The following RAB11FIP3 variants were observed in gnomAD, a reference collection of about 807,000 sequenced individuals.
RAB11FIP3 encodes rab11 family-interacting protein 3.
In RAB11FIP3, 17 loss-of-function variants were observed where a neutral mutation model predicts 77.8. That is an observed-to-expected ratio of 0.22 (90% CI 0.15 to 0.33). The LOEUF is 0.33. Among genes scored for constraint, RAB11FIP3 ranks in the 10% least tolerant of loss-of-function variants. The pLI is 1.00. For missense variants in RAB11FIP3, 1,005 were observed against 1,011.2 expected (o/e 0.99, Z 0.08); for synonymous variants, 437 against 448.2 (o/e 0.98, Z 0.31).
rs1323678228 is a variant in RAB11FIP3 at position 494,563 on chromosome 16, A to G, written c.1266-2261A>G. On this transcript the variant is annotated intron_variant, in intron 5 of 13. Transcript: ENST00000262305. ...CGTGAACCCGGGAGGTGGAACTTGC[A>G]GTGAGCCGAGATCATGCCACTGCAC... is the stretch of plus-strand genomic sequence containing the variant. Among the ~76,000 whole-genome samples, 4 of 152,004 alleles carry G rather than the reference A, an allele frequency of 2.6e-5. No homozygotes were observed. In the East Asian group the frequency reaches 7.8e-4, roughly 30 times the overall value.
rs1596305940 is a variant in RAB11FIP3, at chr16:520,573, G to A, written c.2131G>A (p.Glu711Lys). Reference protein sequence around the residue: ...STAFSESLAAEISSVSRDELM... With the variant: ...STAFSESLAAKISSVSRDELM... ...AGCCTTCTCTGAGTCCCTGGCTGCA[G>A]AGATCAGCTCCGTCTCCCGAGATGA... Residue 711 changes from glutamate to lysine, a missense_variant, in exon 13 of 14, where the codon GAG becomes AAG. Transcript: ENST00000262305. 6.2e-7 allele frequency: 1 copy of A among 1,613,598 alleles called. No homozygotes were observed. The highest frequency in any genetic ancestry group is 8.5e-7 in the Non-Finnish European group (1 of 1,180,012).
intron 6 of RAB11FIP3, among the ~76,000 whole-genome samples, chr16:501,715 T>C (rs1480079543): frequency 7.2e-6 from 1 of 138,902 alleles, no homozygotes; most frequent in Non-Finnish European, 1.5e-5. Flanking sequence ...GGTCCCCCCA[T>C]TTCACAGACA....
At chr16:438,009 A>G (rs911462051) in intron 1 of RAB11FIP3, among the ~76,000 whole-genome samples, 1 of 151,692 alleles carries the variant, frequency 6.6e-6, no homozygotes, top group Admixed American at 6.6e-5. Context: ...GGGGTTTCAC[A>G]TATTGGCCAG....
chr16:463,914 G>A (rs1055388156), intron 2 of RAB11FIP3, among the ~76,000 whole-genome samples: 1 of 152,218 alleles, frequency 6.6e-6, no homozygotes, highest in African/African-American at 2.4e-5. Context: ...TGCTGTCAGC[G>A]TAGCAGGCCG....
Position 489,642 on chromosome 16 carries a change from T to C in RAB11FIP3, c.1265+642T>C, listed in dbSNP as rs150444256. Among the ~76,000 whole-genome samples the C allele has an allele frequency of 5.7e-4, 87 of 152,330 alleles. 1 individual carries two copies. The South Asian group carries it at 6.2e-3, about 11-fold the overall frequency. ...TTGTTACTTCAATCCCTTCTCCCCTTTGCTACTAGGTTGTCGTCCATCTTT... is the reference window on the plus strand; with the variant it reads ...TTGTTACTTCAATCCCTTCTCCCCTCTGCTACTAGGTTGTCGTCCATCTTT... On this transcript the variant is annotated intron_variant, in intron 5 of 13. Coordinates refer to ENST00000262305, the MANE Select transcript of RAB11FIP3 (RefSeq NM_014700.4).
intron 1 of RAB11FIP3, among the ~76,000 whole-genome samples, chr16:444,991 G>A (rs1052112844): frequency 2.6e-5 from 4 of 151,416 alleles, no homozygotes; most frequent in East Asian, 1.9e-4. Flanking sequence ...GTGGGTACCT[G>A]TAGTCCCAGC....
At chr16:483,795 G>C (rs1055091022) in intron 4 of RAB11FIP3, among the ~76,000 whole-genome samples, 1 of 151,894 alleles carries the variant, frequency 6.6e-6, no homozygotes, top group Non-Finnish European at 1.5e-5. Flanking sequence ...ATCTTAAGCC[G>C]AGGCATTCCT....
At chr16:458,622 C>CCTCAGGTTCACCGA (rs2055549385) in intron 1 of RAB11FIP3, among the ~76,000 whole-genome samples, 1 of 51,528 alleles carries the variant, frequency 1.9e-5, no homozygotes, top group Non-Finnish European at 5.5e-5. Context: ...CGATGCTCAT[C>CCTCAGGTTCACCGA]TGCCGTAACC....
rs867080505 is a variant in RAB11FIP3 at position 430,175 on chromosome 16, A to G, written c.714+3455A>G. Reference sequence around the variant, plus strand: ...ATAGGTGATTTTTAAGGCTTCAACCATCTCTGGAGATTGACATGACCCCTT... The same window carrying G: ...ATAGGTGATTTTTAAGGCTTCAACCGTCTCTGGAGATTGACATGACCCCTT... On this transcript the variant is annotated intron_variant, in intron 1 of 13. Transcript: ENST00000262305. 3.9e-5 allele frequency among the ~76,000 whole-genome samples: 6 copies of G among 152,296 alleles called. 1 individual carries two copies. In the Middle Eastern group the frequency reaches 0.02, roughly 518 times the overall value.
chr16:438,815 A>G (rs1217054577), intron 1 of RAB11FIP3, among the ~76,000 whole-genome samples: 2 of 146,314 alleles, frequency 1.4e-5, no homozygotes, highest in Non-Finnish European at 3.0e-5. Context: ...TTAGCCTCCC[A>G]AGTAGCTGGG....
intron 3 of RAB11FIP3, among the ~76,000 whole-genome samples, chr16:475,776 G>A (rs2055893172): frequency 6.6e-6 from 1 of 152,228 alleles, no homozygotes; most frequent in Non-Finnish European, 1.5e-5. Context: ...GCTGAGGAGT[G>A]GAACTGTTCA....
In RAB11FIP3 at chr16:520,521, C is replaced by T. The variant is rs2032636438; in HGVS notation, c.2079C>T (p.Ile693=). The change falls in exon 13 of 14, where the codon ATC becomes ATT. Residue 693 remains isoleucine (I), a synonymous_variant. Coordinates refer to ENST00000262305, the MANE Select transcript of RAB11FIP3 (RefSeq NM_014700.4). The stretch of plus-strand genomic sequence containing the variant: ...ACGGGCAGATCATTACCCTCAGCAT[C>T]CAGGGCGCCAAGAGCCTCTTCTCCA... ...ELNGQIITLS[I]QGAKSLFSTA... is the part of the protein sequence containing the mutation. The T allele has an allele frequency of 1.2e-6, 2 of 1,613,766 alleles. No individual in the cohort carries two copies. The highest frequency in any genetic ancestry group is 3.3e-5 in the Admixed American group (2 of 60,032).
chr16:491,826 G>A (rs1242937485), intron 5 of RAB11FIP3, among the ~76,000 whole-genome samples: 1 of 151,536 alleles, frequency 6.6e-6, no homozygotes, highest in African/African-American at 2.4e-5. Context: ...TTCGCTTGCG[G>A]TGAAGCCCCT....
intron 4 of RAB11FIP3, 140 bp downstream of exon 4, chr16:482,876 T>G: frequency 1.1e-6 from 1 of 909,332 alleles, no homozygotes; most frequent in Non-Finnish European, 1.6e-6. Context: ...GGCCCTGCAG[T>G]AGCTCCTGAC....
intron 3 of RAB11FIP3, among the ~76,000 whole-genome samples, chr16:480,815 A>ATT (rs535222593): frequency 2.2e-4 from 13 of 58,962 alleles, no homozygotes; most frequent in Non-Finnish European, 4.9e-4. Context: ...ATTTATTTTA[A>ATT]TTTTTTTTTT....
intron 5 of RAB11FIP3, chr16:491,107 C>T: frequency 7.8e-7 from 1 of 1,288,534 alleles, no homozygotes; most frequent in Non-Finnish European, 1.0e-6. Flanking sequence ...CTCATCCTCT[C>T]CTGAACGGAT....
chr16:429,994 C>A (rs1432218870), intron 1 of RAB11FIP3, among the ~76,000 whole-genome samples: 1 of 152,072 alleles, frequency 6.6e-6, no homozygotes, highest in Non-Finnish European at 1.5e-5. Context: ...GATCTAATTA[C>A]GTCATCTGGT....
At chr16:494,745 G>A (rs8047043) in intron 5 of RAB11FIP3, among the ~76,000 whole-genome samples, 84 of 150,104 alleles carry the variant, frequency 5.6e-4, no homozygotes, top group South Asian at 4.4e-3. Flanking sequence ...GGCTGAAATC[G>A]CAGTGCTTTG....
intron 1 of RAB11FIP3, among the ~76,000 whole-genome samples, chr16:449,391 C>T (rs989927780): frequency 3.3e-5 from 5 of 152,138 alleles, no homozygotes; most frequent in Non-Finnish European, 5.9e-5. Context: ...TTCTTAGGTC[C>T]TGGAGAACCC....
Sources: gnomAD v4.1 joint callset for allele counts (sites outside exome capture counted in the v4.1 genomes callset) on GRCh38, gnomAD v4.1.1 for gene constraint, MANE v1.5 for transcripts, NCBI Gene and HGNC (gene_info 2026-07-23, HGNC 2026-07-21) for gene names.